Variants in DNAH7 observed in about 807,000 individuals in gnomAD.
DNAH7 encodes the protein axonemal beta dynein heavy chain 7.
A neutral mutation model predicts 444.6 loss-of-function variants in DNAH7; 397 were observed. That is an observed-to-expected ratio of 0.89 (90% CI 0.82 to 0.97). The LOEUF (loss-of-function observed/expected upper bound fraction) is 0.97, where lower values mean the gene tolerates loss of function less well. Ranked by LOEUF, DNAH7 falls within the 50% of genes least tolerant of loss-of-function variation. The pLI is 0.00. For synonymous variants in DNAH7, 1,636 were observed against 1,624.4 expected (o/e 1.01, Z -0.17); for missense variants, 4,902 against 4,800.8 (o/e 1.02, Z -0.62).
chr2:195,934,379 T>G (rs1234525049), intron 21 of DNAH7, among the ~76,000 whole-genome samples: 2 of 152,224 alleles, frequency 1.3e-5, no homozygotes, highest in Non-Finnish European at 2.9e-5. Context: ...TGTTTTGTAG[T>G]ATGGATGGTA....
chr2:195,863,275 G>A (rs774517691), intron 41 of DNAH7, among the ~76,000 whole-genome samples: 1 of 152,210 alleles, frequency 6.6e-6, no homozygotes, highest in Non-Finnish European at 1.5e-5. Context: ...GAGAGGTTCT[G>A]TAAACTTTCC....
chr2:195,793,026 C>A (rs926401342), intron 57 of DNAH7, among the ~76,000 whole-genome samples: 1 of 152,088 alleles, frequency 6.6e-6, no homozygotes, highest in Admixed American at 6.5e-5. Context: ...AACTCCTGGG[C>A]TCCAGCGATC....
intron 42 of DNAH7, among the ~76,000 whole-genome samples, chr2:195,859,769 C>T (rs1200733276): frequency 6.6e-6 from 1 of 152,110 alleles, no homozygotes; most frequent in Admixed American, 6.6e-5. Flanking sequence ...AATGTATGGC[C>T]TGTATTATCT....
In DNAH7 at chr2:196,005,731, C is replaced by T. The variant is rs565493572; in HGVS notation, c.990-3873G>A. Among the ~76,000 whole-genome samples, 21 of 152,026 alleles carry T rather than the reference C, an allele frequency of 1.4e-4. No individual in the cohort carries two copies. The South Asian group carries it at 3.9e-3, about 29-fold the overall frequency. ...CAAATTAATATTAATAATTTACAAACCTTCCAGGAAAAAAAGGCCAGGACT... is the reference window on the plus strand; with the variant it reads ...CAAATTAATATTAATAATTTACAAATCTTCCAGGAAAAAAAGGCCAGGACT... On this transcript the variant is annotated intron_variant, in intron 10 of 64. Coordinates refer to ENST00000312428, the MANE Select transcript of DNAH7 (RefSeq NM_018897.3).
Position 196,035,160 on chromosome 2 carries a change from TGACA to T in DNAH7, c.399-7117_399-7114del, listed in dbSNP as rs534426834. ...TCACGCCACTGCACTCCAGCCTGGG[TGACA>T]GACAAAGACTCCATCTCAAAAAAAA... On this transcript the variant is annotated intron_variant, in intron 5 of 64. Coordinates refer to ENST00000312428, the MANE Select transcript of DNAH7 (RefSeq NM_018897.3). 7.9e-5 allele frequency among the ~76,000 whole-genome samples: 12 copies of T among 151,964 alleles called. No individual in the cohort carries two copies. The South Asian group carries it at 2.3e-3, about 29-fold the overall frequency.
At chr2:195,754,256 C>A (rs1693957494) in intron 63 of DNAH7, 81 bp downstream of exon 63, 4 of 1,368,270 alleles carry the variant, frequency 2.9e-6, no homozygotes, top group Non-Finnish European at 3.0e-6. Context: ...ACTTTTTTAA[C>A]AGCTGAGGAA....
chr2:195,935,833 G>A (rs894056670), intron 20 of DNAH7, among the ~76,000 whole-genome samples: 1 of 152,082 alleles, frequency 6.6e-6, no homozygotes, highest in African/African-American at 2.4e-5. Flanking sequence ...GAACATTTGG[G>A]TAAGGAGCAT....
At chr2:196,041,563 T>G (rs1318175353) in intron 5 of DNAH7, among the ~76,000 whole-genome samples, 3 of 151,884 alleles carry the variant, frequency 2.0e-5, no homozygotes, top group African/African-American at 7.3e-5. Context: ...AAAATGAAAA[T>G]GGATTAAAGA....
intron 61 of DNAH7, among the ~76,000 whole-genome samples, chr2:195,765,410 A>C (rs2105928451): frequency 6.6e-6 from 1 of 152,300 alleles, no homozygotes; most frequent in African/African-American, 2.4e-5. Context: ...TGTCCATAGC[A>C]AAAGAAGCAA....
At chr2:195,877,012 C>T (rs1701102121) in intron 36 of DNAH7, among the ~76,000 whole-genome samples, 2 of 152,142 alleles carry the variant, frequency 1.3e-5, no homozygotes, top group Admixed American at 1.3e-4. Flanking sequence ...ATTCAGACTG[C>T]CATTTGTCTC....
At chr2:196,052,164 C>T (rs992625337) in intron 2 of DNAH7, among the ~76,000 whole-genome samples, 1 of 152,224 alleles carries the variant, frequency 6.6e-6, no homozygotes, top group African/African-American at 2.4e-5. Flanking sequence ...AGCTCTTCAG[C>T]AAATGTCTTT....
At chr2:195,896,661 A>T in intron 29 of DNAH7, among the ~76,000 whole-genome samples, 1 of 152,184 alleles carries the variant, frequency 6.6e-6, no homozygotes, top group East Asian at 1.9e-4. Flanking sequence ...CTAGTGAGGT[A>T]TATTTCCATA....
chr2:195,863,096 T>C (rs146754940), intron 41 of DNAH7, among the ~76,000 whole-genome samples: 21 of 152,310 alleles, frequency 1.4e-4, no homozygotes, highest in African/African-American at 4.8e-4. Flanking sequence ...TCTGATGAAA[T>C]TGTGTTTTGC....
intron 5 of DNAH7, among the ~76,000 whole-genome samples, chr2:196,044,841 G>A (rs1364401356): frequency 6.6e-6 from 1 of 152,036 alleles, no homozygotes; most frequent in East Asian, 1.9e-4. Context: ...GTTGAGGTAG[G>A]GGACCACTTG....
chr2:195,986,377 A>G (rs1007005236), intron 14 of DNAH7, among the ~76,000 whole-genome samples: 2 of 152,226 alleles, frequency 1.3e-5, no homozygotes, highest in African/African-American at 4.8e-5. Context: ...ATACAGCTTG[A>G]AAGAAATATT....
intron 2 of DNAH7, among the ~76,000 whole-genome samples, chr2:196,053,992 G>A (rs561139982): frequency 6.6e-5 from 10 of 152,232 alleles, no homozygotes; most frequent in East Asian, 1.9e-4. Context: ...CCTGACCCTC[G>A]TCAGACTTCA....
intron 40 of DNAH7, among the ~76,000 whole-genome samples, chr2:195,866,081 G>A (rs892038524): frequency 4.6e-5 from 7 of 152,314 alleles, no homozygotes; most frequent in South Asian, 2.1e-4. Flanking sequence ...TCAGTGGAAC[G>A]TTGGATCCTT....
At position 195,809,864 on chromosome 2, in the gene DNAH7, T is replaced by C; in HGVS notation, c.9769A>G (p.Ile3257Val). 1 of 1,564,134 alleles carries C rather than the reference T, an allele frequency of 6.4e-7. No individual in the cohort carries two copies. The highest frequency in any genetic ancestry group is 8.7e-7 in the Non-Finnish European group (1 of 1,155,994). ...KSEILAKRLQ[I>V]LKDHFTYSLY... ...GAATAAGTAAAGTGATCCTTGAGAATCTGAAGCCTAAGGGTCAACAGAAAA... is the reference window on the plus strand; with the variant it reads ...GAATAAGTAAAGTGATCCTTGAGAACCTGAAGCCTAAGGGTCAACAGAAAA... Residue 3257 changes from isoleucine to valine, a missense_variant, in exon 52 of 65, where the codon ATT (isoleucine) becomes GTT (valine). Ile to Val is a conservative substitution (Grantham distance 29, BLOSUM62 3). Transcript: ENST00000312428.
intron 35 of DNAH7, among the ~76,000 whole-genome samples, chr2:195,882,836 C>A (rs1022707481): frequency 6.6e-6 from 1 of 152,114 alleles, no homozygotes; most frequent in African/African-American, 2.4e-5. Flanking sequence ...CATGCTGGTC[C>A]CCCCACCCCG....
Sources: gnomAD v4.1 joint callset for allele counts (sites outside exome capture counted in the v4.1 genomes callset) on GRCh38, gnomAD v4.1.1 for gene constraint, MANE v1.5 for transcripts, NCBI Gene and HGNC (gene_info 2026-07-23, HGNC 2026-07-21) for gene names.